Variants in MBD5 observed in about 807,000 individuals in gnomAD.
MBD5 encodes the protein methyl-CpG binding domain protein 5.
Under a neutral mutation model 117.3 loss-of-function variants are expected in MBD5, and 13 were observed. That is an observed-to-expected ratio of 0.11 (90% CI 0.07 to 0.18). The LOEUF (loss-of-function observed/expected upper bound fraction) is 0.18. MBD5 is among the 10% of genes least tolerant of loss of function. The probability of loss-of-function intolerance (pLI) is 1.00; values close to 1 mark genes in which losing one functional copy is unlikely to be tolerated. For synonymous variants in MBD5, 727 were observed against 766.4 expected, an observed-to-expected ratio of 0.95 and a Z score of 0.85; for missense variants, 1,879 against 2,093.8, an observed-to-expected ratio of 0.90 and a Z score of 2.00.
At chr2:148,041,550 C>G (rs1283218354) in intron 1 of MBD5, among the ~76,000 whole-genome samples, 2 of 152,150 alleles carry the variant, frequency 1.3e-5, no homozygotes, top group Admixed American at 6.5e-5. Flanking sequence ...ATCAGGCCAT[C>G]ATGGATGATC....
At chr2:148,407,050 A>G (rs1287134444) in intron 4 of MBD5, among the ~76,000 whole-genome samples, 1 of 152,202 alleles carries the variant, frequency 6.6e-6, no homozygotes, top group Non-Finnish European at 1.5e-5. Context: ...CAGATACAGA[A>G]TCCCCAGTGC....
chr2:148,321,840 G>C (rs1010747314), intron 3 of MBD5, among the ~76,000 whole-genome samples: 1 of 151,834 alleles, frequency 6.6e-6, no homozygotes, highest in Non-Finnish European at 1.5e-5. Flanking sequence ...CTCCTGCCTC[G>C]GCCTCCTAGA....
chr2:148,234,535 A>G (rs1341993932), intron 3 of MBD5, among the ~76,000 whole-genome samples: 1 of 152,198 alleles, frequency 6.6e-6, no homozygotes, highest in African/African-American at 2.4e-5. Flanking sequence ...CCAAAGAAAA[A>G]GCAGCTGTGT....
intron 3 of MBD5, among the ~76,000 whole-genome samples, chr2:148,324,945 C>T (rs1702402211): frequency 6.6e-6 from 1 of 152,136 alleles, no homozygotes; most frequent in Non-Finnish European, 1.5e-5. Flanking sequence ...AGTTTTTGCC[C>T]ATTCAGTATG....
At chr2:148,397,907 G>GT (rs1401947337) in intron 4 of MBD5, among the ~76,000 whole-genome samples, 1 of 151,658 alleles carries the variant, frequency 6.6e-6, no homozygotes, top group African/African-American at 2.4e-5. Flanking sequence ...GCAGTGTTTG[G>GT]TTTTTTGTCT....
intron 1 of MBD5, among the ~76,000 whole-genome samples, chr2:148,154,510 G>T (rs75590919): frequency 5.9e-5 from 9 of 152,318 alleles, no homozygotes; most frequent in African/African-American, 2.2e-4. Context: ...CCTGGGCAAT[G>T]GTGGGCGCCC....
At chr2:148,328,111 C>T (rs1415300671) in intron 3 of MBD5, among the ~76,000 whole-genome samples, 2 of 152,202 alleles carry the variant, frequency 1.3e-5, no homozygotes, top group African/African-American at 4.8e-5. Flanking sequence ...TGTGAGGTGT[C>T]AGTCTGCCCC....
At chr2:148,245,211 C>A (rs1379460057) in intron 3 of MBD5, among the ~76,000 whole-genome samples, 2 of 151,938 alleles carry the variant, frequency 1.3e-5, no homozygotes, top group Non-Finnish European at 2.9e-5. Context: ...ATAGTGAGAC[C>A]CTGTCTCTAC....
intron 3 of MBD5, among the ~76,000 whole-genome samples, chr2:148,289,998 C>G (rs927508205): frequency 7.1e-6 from 1 of 141,252 alleles, no homozygotes; most frequent in Admixed American, 7.5e-5. Flanking sequence ...CTGTGTCATC[C>G]AGGCTGGAGT....
chr2:148,468,442 C>T lies in MBD5; in HGVS notation c.499C>T (p.Pro167Ser), dbSNP rs1348400494. 1 of 1,613,726 alleles carries T rather than the reference C, an allele frequency of 6.2e-7. No homozygotes were observed. The highest frequency in any genetic ancestry group is 8.5e-7 in the Non-Finnish European group (1 of 1,179,780). The change falls in exon 8 of 14, where the codon CCT becomes TCT. Residue 167 changes from proline to serine, a missense_variant. Around this residue, in one of 4 missense-constraint regions of MBD5, gnomAD observed 1,666 missense variants for 1,792.2 expected, o/e 0.93. Coordinates refer to ENST00000642680, the MANE Select transcript of MBD5 (RefSeq NM_001378120.1). The stretch of plus-strand genomic sequence containing the variant: ...TTCTGTAATGCCTGAATGTAAGAAT[C>T]CTTTCAAGTTAATGATTGGATCATC... Reference protein sequence around the residue: ...TNSVMPECKNPFKLMIGSSNA... With the variant: ...TNSVMPECKNSFKLMIGSSNA...
intron 1 of MBD5, among the ~76,000 whole-genome samples, chr2:148,176,962 A>G (rs1418632484): frequency 6.6e-6 from 1 of 152,080 alleles, no homozygotes; most frequent in Non-Finnish European, 1.5e-5. Context: ...TCATTATGGA[A>G]TATAACATTT....
intron 1 of MBD5, among the ~76,000 whole-genome samples, chr2:148,150,358 T>A (rs961382061): frequency 1.3e-5 from 2 of 151,288 alleles, no homozygotes; most frequent in African/African-American, 4.8e-5. Flanking sequence ...GTAGTATAGT[T>A]TGAAGTCAGG....
Position 148,416,324 on chromosome 2 carries a change from C to A in MBD5, c.-556-41879C>A, listed in dbSNP as rs137871629. Among the ~76,000 whole-genome samples, 454 of 152,260 alleles carry A rather than the reference C, an allele frequency of 3.0e-3. 1 individual carries two copies. The highest frequency in any genetic ancestry group is 5.0e-3 in the Non-Finnish European group (338 of 68,018). On this transcript the variant is annotated intron_variant, in intron 4 of 13. Transcript: ENST00000642680. ...TCTCTGGCTCTTTAAGGTTAGGAACCTGCTGCACCAGAAGGGCCAAGGTGT... is the reference window on the plus strand; with the variant it reads ...TCTCTGGCTCTTTAAGGTTAGGAACATGCTGCACCAGAAGGGCCAAGGTGT...
At chr2:148,030,903 G>A (rs1243032855) in intron 1 of MBD5, among the ~76,000 whole-genome samples, 3 of 152,052 alleles carry the variant, frequency 2.0e-5, no homozygotes, top group African/African-American at 7.2e-5. Context: ...TATCTAACAG[G>A]GTGAAAAGCC....
In MBD5 at chr2:148,500,908, CT is replaced by C. The variant is rs1006782660; in HGVS notation, c.4963-1519del. On this transcript the variant is annotated intron_variant, in intron 11 of 13. Coordinates refer to ENST00000642680, the MANE Select transcript of MBD5 (RefSeq NM_001378120.1). Reference sequence around the variant, plus strand: ...GAAATATGAAAGTGCTTCCAGGCATCTTTTTTTTTAAACAACACATGGATAC... The same window carrying C: ...GAAATATGAAAGTGCTTCCAGGCATCTTTTTTTTAAACAACACATGGATAC... Among the ~76,000 whole-genome samples the C allele has an allele frequency of 4.6e-5, 7 of 151,586 alleles. No homozygotes were observed. The South Asian group carries it at 1.0e-3, about 23-fold the overall frequency.
At chr2:148,173,195 A>G (rs1467327178) in intron 1 of MBD5, among the ~76,000 whole-genome samples, 4 of 152,168 alleles carry the variant, frequency 2.6e-5, no homozygotes, top group African/African-American at 9.7e-5. Flanking sequence ...AGCCCAAACC[A>G]GGGGGCTCCT....
chr2:148,323,531 C>T lies in MBD5; in HGVS notation c.-679-18683C>T, dbSNP rs376257129. Among the ~76,000 whole-genome samples the T allele has an allele frequency of 4.1e-3, 621 of 152,124 alleles. 1 individual carries two copies. The highest frequency in any genetic ancestry group is 6.3e-3 in the Non-Finnish European group (426 of 67,976). On this transcript the variant is annotated intron_variant, in intron 3 of 13. Transcript: ENST00000642680. ...TGTTGTTTCCTGACTTTTTAATGAT[C>T]GCCATTCTAACTGGTGTGAGATGGT...
At chr2:148,176,862 C>A (rs567409013) in intron 1 of MBD5, among the ~76,000 whole-genome samples, 93 of 146,004 alleles carry the variant, frequency 6.4e-4, no homozygotes, top group Middle Eastern at 3.4e-3. Context: ...CTGCCACCCC[C>A]ACTAACTTAA....
intron 4 of MBD5, among the ~76,000 whole-genome samples, chr2:148,437,558 T>G (rs1384321851): frequency 6.6e-6 from 1 of 152,038 alleles, no homozygotes; most frequent in East Asian, 1.9e-4. Flanking sequence ...TAAAAATTCT[T>G]TAAAGACTTT....
Sources: gnomAD v4.1 joint callset for allele counts (sites outside exome capture counted in the v4.1 genomes callset) on GRCh38, gnomAD v4.1.1 for gene constraint, gnomAD v4.1.1 regional missense constraint, MANE v1.5 for transcripts, NCBI Gene and HGNC (gene_info 2026-07-23, HGNC 2026-07-21) for gene names.